The following FGF12 variants were observed in gnomAD, a reference collection of about 807,000 sequenced individuals.
FGF12 encodes fibroblast growth factor 12B.
A neutral mutation model predicts 23.6 loss-of-function variants in FGF12; 14 were observed. That is an observed-to-expected ratio of 0.59 (90% CI 0.39 to 0.93). The LOEUF is 0.93. FGF12 is among the 40% of genes least tolerant of loss of function. The pLI is 0.00. For missense variants in FGF12, 175 were observed against 217.8 expected (o/e 0.80, Z 1.24); for synonymous variants, 62 against 77.3 (o/e 0.80, Z 1.04).
chr3:192,475,394 A>G (rs1403685773), intron 2 of FGF12, among the ~76,000 whole-genome samples: 6 of 152,212 alleles, frequency 3.9e-5, no homozygotes, highest in African/African-American at 2.4e-5. Context: ...CAGAAAAGTG[A>G]CATGCACACA....
intron 2 of FGF12, among the ~76,000 whole-genome samples, chr3:192,493,318 A>G (rs1178848165): frequency 6.6e-6 from 1 of 152,200 alleles, no homozygotes; most frequent in Non-Finnish European, 1.5e-5. Flanking sequence ...ACTCTGCATT[A>G]GGAGCACAGT....
In FGF12 at chr3:192,507,334, TACACACACACACACACACACACACACAC is replaced by T. The variant is rs35433581; in HGVS notation, c.14-146824_14-146797del. 7.9e-4 allele frequency among the ~76,000 whole-genome samples: 114 copies of T among 144,726 alleles called. 1 individual carries two copies. Among genetic ancestry groups the T allele is most frequent in the Non-Finnish European group, 1.3e-3 (83 of 65,688 alleles). 94.9% of individuals were successfully genotyped at this position (144,726 alleles called of 152,430 possible). A position where few individuals can be genotyped will look rare whatever the true frequency, so the allele number is the denominator to read the frequency against. On this transcript the variant is annotated intron_variant, in intron 2 of 5. Coordinates refer to ENST00000445105, the MANE Select transcript of FGF12 (RefSeq NM_004113.6). The stretch of plus-strand genomic sequence containing the variant: ...GCAATTTTTAATGCATTTGACCAAA[TACACACACACACACACACACACACACAC>T]ACACACACACACACACACATACAAG...
intron 4 of FGF12, among the ~76,000 whole-genome samples, chr3:192,228,232 A>T (rs879653733): frequency 2.0e-5 from 3 of 152,162 alleles, no homozygotes; most frequent in Non-Finnish European, 4.4e-5. Context: ...TACACATCAA[A>T]ACATTACATT....
At chr3:192,356,995 G>A (rs1317387379) in intron 3 of FGF12, among the ~76,000 whole-genome samples, 2 of 152,092 alleles carry the variant, frequency 1.3e-5, no homozygotes, top group Admixed American at 6.6e-5. Flanking sequence ...AAGCACATTA[G>A]TTGAAAAACT....
chr3:192,369,817 C>T, intron 2 of FGF12, among the ~76,000 whole-genome samples: 1 of 152,214 alleles, frequency 6.6e-6, no homozygotes, highest in South Asian at 2.1e-4. Context: ...CACAACTAAT[C>T]ATTATTTCCG....
chr3:192,582,161 TTTAAAAATAGTTTTAAAC>T (rs1425148505), intron 2 of FGF12, among the ~76,000 whole-genome samples: 33 of 152,090 alleles, frequency 2.2e-4, no homozygotes, highest in Admixed American at 2.1e-3. Context: ...TTATGGCAGC[TTTAAAAATAGTTTTAAAC>T]TTTCAAAAAT....
chr3:192,418,816 T>A (rs974158708), intron 2 of FGF12, among the ~76,000 whole-genome samples: 2 of 152,200 alleles, frequency 1.3e-5, no homozygotes, highest in Non-Finnish European at 2.9e-5. Context: ...TCTCCCAAGC[T>A]ACGCTTCCTG....
At chr3:192,631,861 G>A (rs890101336) in intron 2 of FGF12, among the ~76,000 whole-genome samples, 7 of 152,200 alleles carry the variant, frequency 4.6e-5, no homozygotes, top group African/African-American at 1.7e-4. Context: ...GGTGCTGCCT[G>A]GGGTCTTCAC....
intron 2 of FGF12, among the ~76,000 whole-genome samples, chr3:192,571,365 T>C (rs1875455): frequency 0.37 from 56,362 of 152,046 alleles, 10,718 homozygotes; most frequent in South Asian, 0.53. Context: ...CCTGATCATA[T>C]GCCTGTTATC....
At chr3:192,407,455 G>C (rs755204122) in intron 2 of FGF12, among the ~76,000 whole-genome samples, 2 of 152,164 alleles carry the variant, frequency 1.3e-5, no homozygotes, top group Non-Finnish European at 2.9e-5. Flanking sequence ...AAATGAAGAG[G>C]TGAGAAATTG....
At chr3:192,690,489 A>T (rs1383895502) in intron 2 of FGF12, among the ~76,000 whole-genome samples, 1 of 151,836 alleles carries the variant, frequency 6.6e-6, no homozygotes, top group African/African-American at 2.4e-5. Flanking sequence ...ATACAGGTAT[A>T]ACTATAAAAT....
intron 2 of FGF12, among the ~76,000 whole-genome samples, chr3:192,494,850 A>G (rs1400622967): frequency 1.3e-5 from 2 of 151,688 alleles, no homozygotes; most frequent in Non-Finnish European, 2.9e-5. Context: ...GCATATATAT[A>G]TATATATATA....
At chr3:192,368,780 G>A (rs775725522) in intron 2 of FGF12, among the ~76,000 whole-genome samples, 1 of 152,020 alleles carries the variant, frequency 6.6e-6, no homozygotes, top group African/African-American at 2.4e-5. Context: ...GTAAGTAGTT[G>A]CAACAGATAC....
At chr3:192,577,031 A>T (rs982486080) in intron 2 of FGF12, among the ~76,000 whole-genome samples, 1 of 152,106 alleles carries the variant, frequency 6.6e-6, no homozygotes, top group Non-Finnish European at 1.5e-5. Context: ...ACAGGGAGGG[A>T]ACATCACACA....
At chr3:192,647,712 C>T (rs939347075) in intron 2 of FGF12, among the ~76,000 whole-genome samples, 4 of 142,914 alleles carry the variant, frequency 2.8e-5, no homozygotes, top group South Asian at 4.3e-4. Flanking sequence ...TGTATATATA[C>T]ATATATATAT....
intron 4 of FGF12, among the ~76,000 whole-genome samples, chr3:192,321,707 G>T (rs893586558): frequency 2.0e-5 from 3 of 151,986 alleles, no homozygotes; most frequent in Non-Finnish European, 2.9e-5. Context: ...GCAGAATGAA[G>T]AACAGAAATC....
Position 192,154,541 on chromosome 3 carries a change from C to T in FGF12, c.428-10414G>A, listed in dbSNP as rs539399558. On this transcript the variant is annotated intron_variant, in intron 5 of 5. Transcript: ENST00000445105. ...TAGTTTTCCTTCTAACAGACAGGAC[C>T]CTCAGCTGCAGGTCTGTTGGAGTAC... Among the ~76,000 whole-genome samples the T allele has an allele frequency of 3.1e-3, 462 of 151,054 alleles. 3 individuals are homozygous for T. The highest frequency in any genetic ancestry group is 0.011 in the African/African-American group (445 of 41,070).
At chr3:192,382,553 T>A (rs556189443) in intron 2 of FGF12, among the ~76,000 whole-genome samples, 73 of 152,130 alleles carry the variant, frequency 4.8e-4, no homozygotes, top group South Asian at 1.0e-3. Context: ...AATACGTTGG[T>A]ATAAAAAACA....
intron 3 of FGF12, among the ~76,000 whole-genome samples, chr3:192,339,529 A>T (rs9816013): frequency 0.22 from 33,084 of 152,054 alleles, 5,475 homozygotes; most frequent in East Asian, 0.54. Context: ...GGCTTCACAG[A>T]GCTTTTTGCC....
Sources: allele counts gnomAD v4.1 joint callset (sites outside exome capture counted in the v4.1 genomes callset), GRCh38; gene constraint gnomAD v4.1.1; transcripts MANE v1.5; gene names NCBI Gene and HGNC (gene_info 2026-07-23, HGNC 2026-07-21).